ARHGEF7: variants seen among roughly 807,000 people sequenced by gnomAD.
ARHGEF7 encodes PAK-interacting exchange factor beta.
In ARHGEF7, 33 loss-of-function variants were observed where a neutral mutation model predicts 109.8. That is an observed-to-expected ratio of 0.30 (90% CI 0.23 to 0.40). The LOEUF is 0.40. ARHGEF7 is among the 10% of genes least tolerant of loss of function. The pLI is 1.00. For synonymous variants in ARHGEF7, 458 were observed against 424.6 expected, an observed-to-expected ratio of 1.08 and a Z score of -0.97; for missense variants, 938 against 1,098.5, an observed-to-expected ratio of 0.85 and a Z score of 2.07.
intron 8 of ARHGEF7, among the ~76,000 whole-genome samples, chr13:111,248,359 C>T (rs773768008): frequency 1.3e-5 from 2 of 152,044 alleles, no homozygotes; most frequent in South Asian, 2.1e-4. Context: ...GGCATTTTGA[C>T]GGTGATTATC....
intron 1 of ARHGEF7, among the ~76,000 whole-genome samples, chr13:111,147,161 T>C (rs2075636847): frequency 6.6e-6 from 1 of 152,228 alleles, no homozygotes; most frequent in Non-Finnish European, 1.5e-5. Flanking sequence ...CTATGAACAT[T>C]GCTGTACATG....
rs75850444 is a variant in ARHGEF7, at chr13:111,267,659, C to T, written c.1062C>T (p.Leu354=). The T allele has an allele frequency of 6.2e-7, 1 of 1,613,902 alleles. No homozygotes were observed. The highest frequency in any genetic ancestry group is 1.1e-5 in the South Asian group (1 of 91,052). The change falls in exon 9 of 22, where the codon CTC becomes CTT. Residue 354 remains leucine, a synonymous_variant. Coordinates refer to ENST00000646102, the MANE Select transcript of ARHGEF7 (RefSeq NM_001354046.2). ...ATCACCCTTCTGCAGTGAATGTCCTCACGGAACACAGGTGCGCTTGCTAGG... is the reference window on the plus strand; with the variant it reads ...ATCACCCTTCTGCAGTGAATGTCCTTACGGAACACAGGTGCGCTTGCTAGG... ...CANHPSAVNV[L]TEHSEELGEF...
At chr13:111,280,168 T>C (rs2092704767) in intron 13 of ARHGEF7, 104 bp from the exon 14 acceptor site, 1 of 1,218,986 alleles carries the variant, frequency 8.2e-7, no homozygotes, top group South Asian at 1.5e-5. Flanking sequence ...CAAACACAGT[T>C]CCTCCACCAA....
At chr13:111,222,320 C>T (rs1007810691) in intron 5 of ARHGEF7, among the ~76,000 whole-genome samples, 2 of 152,146 alleles carry the variant, frequency 1.3e-5, no homozygotes, top group Non-Finnish European at 2.9e-5. Context: ...ATTTGCTAAA[C>T]TTTATCTGAT....
chr13:111,192,639 T>C (rs1367429126), intron 2 of ARHGEF7, among the ~76,000 whole-genome samples: 1 of 152,192 alleles, frequency 6.6e-6, no homozygotes, highest in Non-Finnish European at 1.5e-5. Context: ...CTTGAGTGTT[T>C]TGTTTGCCTT....
intron 6 of ARHGEF7, chr13:111,241,332 AG>A (rs764395064): frequency 3.9e-6 from 6 of 1,536,118 alleles, no homozygotes; most frequent in Non-Finnish European, 5.2e-6. Flanking sequence ...AGGGGAAGAA[AG>A]GTGGTAAGTG....
In ARHGEF7 at chr13:111,270,250, C is replaced by T. The variant is rs978833106; in HGVS notation, c.1073+2580C>T. Among the ~76,000 whole-genome samples, 8 of 152,164 alleles carry T rather than the reference C, an allele frequency of 5.3e-5. No individual in the cohort carries two copies. The East Asian group carries it at 5.8e-4, about 11-fold the overall frequency. Reference sequence around the variant, plus strand: ...GCAGTTTGTTCCTCTGCACTTGGCTCCATGCTTGCATGTGTTTTGTGGCTG... The same window carrying T: ...GCAGTTTGTTCCTCTGCACTTGGCTTCATGCTTGCATGTGTTTTGTGGCTG... On this transcript the variant is annotated intron_variant, in intron 9 of 21. Coordinates refer to ENST00000646102, the MANE Select transcript of ARHGEF7 (RefSeq NM_001354046.2).
At chr13:111,282,358 T>C (rs1247732150) in intron 15 of ARHGEF7, among the ~76,000 whole-genome samples, 3 of 152,262 alleles carry the variant, frequency 2.0e-5, no homozygotes, top group African/African-American at 7.2e-5. Flanking sequence ...GAATGACTTA[T>C]TTAACTTTTC....
chr13:111,144,251 CAT>C (rs2075481282), intron 1 of ARHGEF7: 2 of 152,230 alleles, frequency 1.3e-5, no homozygotes, highest in African/African-American at 4.8e-5. Context: ...TGCAGCATTT[CAT>C]TTAGAGTTGG....
At chr13:111,199,225 A>T (rs2080929800) in intron 2 of ARHGEF7, among the ~76,000 whole-genome samples, 1 of 152,216 alleles carries the variant, frequency 6.6e-6, no homozygotes, top group African/African-American at 2.4e-5. Flanking sequence ...GGGGGAGTGA[A>T]TGAAAGCAGC....
intron 2 of ARHGEF7, among the ~76,000 whole-genome samples, chr13:111,185,991 T>C (rs915292459): frequency 2.0e-5 from 3 of 151,672 alleles, no homozygotes; most frequent in Non-Finnish European, 2.9e-5. Context: ...TGTGTGTGTG[T>C]GTGTGTGTGT....
chr13:111,222,886 T>TTGCGTAATGTGGTTACAAGTTG (rs1480754692), intron 5 of ARHGEF7, among the ~76,000 whole-genome samples: 1 of 152,260 alleles, frequency 6.6e-6, no homozygotes, highest in African/African-American at 2.4e-5. Context: ...TGGTTACAAG[T>TTGCGTAATGTGGTTACAAGTTG]ACCTGCAGTC....
At chr13:111,274,914 G>A in intron 11 of ARHGEF7, 124 bp downstream of exon 11, 1 of 585,182 alleles carries the variant, frequency 1.7e-6, no homozygotes, top group Non-Finnish European at 2.6e-6. Context: ...AAGAAAAACA[G>A]AGTCGGCATT....
At chr13:111,212,430 C>G (rs2082613901) in intron 4 of ARHGEF7, among the ~76,000 whole-genome samples, 1 of 152,194 alleles carries the variant, frequency 6.6e-6, no homozygotes, top group African/African-American at 2.4e-5. Context: ...ATACTTCACT[C>G]TTTGTTCGAC....
In ARHGEF7 at chr13:111,192,589, A is replaced by G. The variant is rs925442733; in HGVS notation, c.253-12700A>G. Among the ~76,000 whole-genome samples the G allele has an allele frequency of 3.9e-5, 6 of 152,268 alleles. No individual in the cohort carries two copies. The South Asian group carries it at 6.2e-4, about 16-fold the overall frequency. On this transcript the variant is annotated intron_variant, in intron 2 of 21. Coordinates refer to ENST00000646102, the MANE Select transcript of ARHGEF7 (RefSeq NM_001354046.2). ...AAGGCCATGGGCAAAAGAGTAGGCT[A>G]TGGGAGATGAGTTTCTTGTGTTAGT... is the stretch of plus-strand genomic sequence containing the variant.
intron 1 of ARHGEF7, among the ~76,000 whole-genome samples, chr13:111,116,080 C>G (rs1444434575): frequency 6.6e-6 from 1 of 152,210 alleles, no homozygotes; most frequent in Non-Finnish European, 1.5e-5. Context: ...CGGCTCACTC[C>G]GCTGGCTTTG....
At chr13:111,238,297 G>C (rs1436439115) in intron 6 of ARHGEF7, among the ~76,000 whole-genome samples, 2 of 152,176 alleles carry the variant, frequency 1.3e-5, no homozygotes, top group Non-Finnish European at 2.9e-5. Flanking sequence ...TTTGGCCCTA[G>C]CTTCCTGAGC....
intron 18 of ARHGEF7, among the ~76,000 whole-genome samples, chr13:111,289,187 A>G (rs974879894): frequency 2.6e-5 from 4 of 152,070 alleles, no homozygotes; most frequent in African/African-American, 9.7e-5. Flanking sequence ...GCGCACCACC[A>G]CGCCCGGCTA....
rs776628888 is a variant in ARHGEF7, at chr13:111,115,517, G to C, written c.-10G>C. ...CGCGCCCCTCCCCGCCTGCCTCCCG[G>C]GCCGCAGCGATGAATTCCGCCGAGC... On this transcript the variant is annotated 5_prime_UTR_variant, in exon 1 of 22. Coordinates refer to ENST00000646102, the MANE Select transcript of ARHGEF7 (RefSeq NM_001354046.2). 4 of 1,323,916 alleles carry C rather than the reference G, an allele frequency of 3.0e-6. No homozygotes were observed. The highest frequency in any genetic ancestry group is 2.3e-5 in the Admixed American group (1 of 44,058). 82.0% of individuals were successfully genotyped at this position (1,323,916 alleles called of 1,614,324 possible).
Sources: gnomAD v4.1 joint callset for allele counts (sites outside exome capture counted in the v4.1 genomes callset) on GRCh38, gnomAD v4.1.1 for gene constraint, MANE v1.5 for transcripts, NCBI Gene and HGNC (gene_info 2026-07-23, HGNC 2026-07-21) for gene names.